Variants in RBM18 observed in about 807,000 individuals in gnomAD.
RBM18 encodes the protein RNA binding motif protein 18.
A neutral mutation model predicts 26.4 loss-of-function variants in RBM18; 18 were observed. The ratio of observed to expected loss-of-function variants is 0.68; its 90% CI spans 0.47 to 1.01. The LOEUF is 1.01. Among genes scored for constraint, RBM18 ranks in the 50% least tolerant of loss-of-function variants. RBM18 has a pLI of 0.00. For synonymous variants in RBM18, 74 were observed against 81.1 expected (o/e 0.91, Z 0.47); for missense variants, 180 against 219.2 (o/e 0.82, Z 1.13).
At chr9:122,243,776 C>A in intron 5 of RBM18, 3 of 985,226 alleles carry the variant, frequency 3.0e-6, no homozygotes, top group Non-Finnish European at 3.6e-6. Flanking sequence ...TCCATTAATG[C>A]CACAGCTGGT....
intron 5 of RBM18, chr9:122,243,944 G>T: frequency 1.2e-6 from 1 of 821,944 alleles, no homozygotes. Context: ...AGAAACTAAA[G>T]ACATGTTCAT....
At chr9:122,249,005 A>G (rs1831552813) in intron 3 of RBM18, among the ~76,000 whole-genome samples, 1 of 152,208 alleles carries the variant, frequency 6.6e-6, no homozygotes. Flanking sequence ...ACAGGTAAGA[A>G]ATATTTTATT....
chr9:122,255,304 G>A (rs568534647), intron 2 of RBM18, among the ~76,000 whole-genome samples: 104 of 152,166 alleles, frequency 6.8e-4, no homozygotes, highest in Non-Finnish European at 1.2e-3. Flanking sequence ...ATAAAAAGAA[G>A]TATGGACAAT....
At chr9:122,259,974 G>A (rs558923910) in intron 2 of RBM18, among the ~76,000 whole-genome samples, 2 of 152,238 alleles carry the variant, frequency 1.3e-5, no homozygotes, top group Admixed American at 6.5e-5. Context: ...GATTATAGGC[G>A]TGAGCCACTG....
intron 5 of RBM18, among the ~76,000 whole-genome samples, chr9:122,242,384 A>G (rs1272121179): frequency 6.6e-6 from 1 of 152,206 alleles, no homozygotes; most frequent in Non-Finnish European, 1.5e-5. Context: ...TGAAAACAAC[A>G]TTATAAGATA....
rs919003709 is a variant in RBM18 at position 122,239,773 on chromosome 9, T to A, written c.*2111A>T. 9.9e-5 allele frequency: 15 copies of A among 152,240 alleles called. No homozygotes were observed. The highest frequency in any genetic ancestry group is 5.9e-5 in the Non-Finnish European group (4 of 68,042). The allele number at this position is 152,240 out of a possible 1,614,324, so 9.4% of individuals were successfully genotyped here. ...AACAACTTCTTTTCAAATAGTGACA[T>A]TTGCAATGGAAACAGCTGGTCTCTA... On this transcript the variant is annotated 3_prime_UTR_variant, in exon 6 of 6. Transcript: ENST00000417201.
At chr9:122,253,099 A>G (rs1035898516) in intron 2 of RBM18, among the ~76,000 whole-genome samples, 13 of 152,156 alleles carry the variant, frequency 8.5e-5, no homozygotes, top group African/African-American at 3.1e-4. Flanking sequence ...CCACATGCTA[A>G]ATCTGTTATT....
At chr9:122,242,820 T>C (rs1831443509) in intron 5 of RBM18, among the ~76,000 whole-genome samples, 1 of 151,716 alleles carries the variant, frequency 6.6e-6, no homozygotes, top group Admixed American at 6.6e-5. Context: ...ACCACATCCA[T>C]CTGAATTTGT....
intron 1 of RBM18, among the ~76,000 whole-genome samples, chr9:122,263,179 G>C (rs906457004): frequency 6.6e-6 from 1 of 152,182 alleles, no homozygotes; most frequent in Non-Finnish European, 1.5e-5. Context: ...ACCCTGTAAA[G>C]TCTAGCACAG....
chr9:122,247,404 G>A (rs1831521199), intron 4 of RBM18, 114 bp downstream of exon 4: 1 of 848,002 alleles, frequency 1.2e-6, no homozygotes, highest in Non-Finnish European at 2.0e-6. Context: ...GGAGACTGAA[G>A]TATGGCTGTT....
chr9:122,243,668 T>C, intron 5 of RBM18: 1 of 917,432 alleles, frequency 1.1e-6, no homozygotes, highest in Non-Finnish European at 1.3e-6. Context: ...CATGGGCTTT[T>C]GGAGATCCTC....
intron 2 of RBM18, among the ~76,000 whole-genome samples, chr9:122,260,342 T>A (rs552612144): frequency 6.6e-6 from 1 of 152,180 alleles, no homozygotes; most frequent in East Asian, 1.9e-4. Context: ...CAAGACTGTC[T>A]TAAAAACAAA....
chr9:122,263,771 A>G (rs150206001), intron 1 of RBM18, among the ~76,000 whole-genome samples: 4 of 152,322 alleles, frequency 2.6e-5, no homozygotes, highest in Non-Finnish European at 5.9e-5. Context: ...ATCAGGAATA[A>G]TACCAATAGC....
chr9:122,255,776 G>A (rs1043299202), intron 2 of RBM18, among the ~76,000 whole-genome samples: 10 of 152,016 alleles, frequency 6.6e-5, no homozygotes, highest in Non-Finnish European at 1.2e-4. Context: ...CCTGCATATC[G>A]ATGTAAAATT....
intron 5 of RBM18, chr9:122,243,855 T>A (rs1245635845): frequency 1.2e-5 from 12 of 985,110 alleles, no homozygotes; most frequent in Non-Finnish European, 1.4e-5. Flanking sequence ...TAGAGAGATG[T>A]AAGCTGAGGT....
At chr9:122,253,959 C>T (rs1344382043) in intron 2 of RBM18, among the ~76,000 whole-genome samples, 1 of 149,276 alleles carries the variant, frequency 6.7e-6, no homozygotes, top group Non-Finnish European at 1.5e-5. Context: ...ATCCGGGAGG[C>T]AGAGGTTGCA....
intron 3 of RBM18, among the ~76,000 whole-genome samples, chr9:122,250,011 A>T (rs979262910): frequency 2.8e-5 from 4 of 140,964 alleles, no homozygotes; most frequent in African/African-American, 1.0e-4. Context: ...TCAAGGGTGC[A>T]GTGGGTCATG....
chr9:122,244,642 T>G (rs924228759), intron 5 of RBM18, among the ~76,000 whole-genome samples: 8 of 152,182 alleles, frequency 5.3e-5, no homozygotes, highest in Non-Finnish European at 5.9e-5. Flanking sequence ...TTATTGTTAT[T>G]GCTAAAATGT....
At chr9:122,248,532 G>A (rs528554570) in intron 3 of RBM18, among the ~76,000 whole-genome samples, 10 of 152,308 alleles carry the variant, frequency 6.6e-5, no homozygotes, top group African/African-American at 9.6e-5. Context: ...CAAAGAGACC[G>A]TTAGCAAGGT....
Sources: gnomAD v4.1 joint callset for allele counts (sites outside exome capture counted in the v4.1 genomes callset) on GRCh38, gnomAD v4.1.1 for gene constraint, MANE v1.5 for transcripts, NCBI Gene and HGNC (gene_info 2026-07-23, HGNC 2026-07-21) for gene names.